Variants in ZNF875 observed in about 807,000 individuals in gnomAD.
The protein encoded by ZNF875 is HKR1, GLI-Kruppel zinc finger family member.
ZNF875 carries 14 observed loss-of-function variants against 11.2 expected under a neutral mutation model. The ratio of observed to expected loss-of-function variants is 1.26; its 90% CI spans 0.83 to 1.96. The LOEUF (loss-of-function observed/expected upper bound fraction) is 1.96, where lower values mean the gene tolerates loss of function less well. ZNF875 is among the 30% of genes most tolerant of loss of function. The probability of loss-of-function intolerance (pLI) is 0.00; values close to 1 mark genes in which losing one functional copy is unlikely to be tolerated. For missense variants in ZNF875, 752 were observed against 760.4 expected, an observed-to-expected ratio of 0.99 and a Z score of 0.13; for synonymous variants, 301 against 281.1, an observed-to-expected ratio of 1.07 and a Z score of -0.71.
chr19:37,313,596 A>T (rs1299790055), upstream of ZNF875, among the ~76,000 whole-genome samples: 1 of 151,966 alleles, frequency 6.6e-6, no homozygotes, highest in Non-Finnish European at 1.5e-5. Context: ...ACCTATCACT[A>T]ATCTACAGAC....
At chr19:37,344,721 A>G (rs756908992) in intron 2 of ZNF875, 28 of 1,613,450 alleles carry the variant, frequency 1.7e-5, no homozygotes, top group Non-Finnish European at 2.3e-5. Context: ...AATGCTCCCT[A>G]CATGCATGGT....
chr19:37,357,921 A>C (rs962635723), intron 4 of ZNF875: 11 of 398,218 alleles, frequency 2.8e-5, no homozygotes, highest in Non-Finnish European at 4.9e-5. Flanking sequence ...GTTGAATACG[A>C]GTGGTGAGAG....
chr19:37,338,645 T>C (rs960637735), intron 2 of ZNF875, among the ~76,000 whole-genome samples: 6 of 152,254 alleles, frequency 3.9e-5, no homozygotes, highest in African/African-American at 1.4e-4. Context: ...GCATGAGCAT[T>C]TAAATAGTTG....
At chr19:37,313,835 TTTTC>T (rs532024075), upstream of ZNF875, among the ~76,000 whole-genome samples, 25 of 152,248 alleles carry the variant, frequency 1.6e-4, no homozygotes, top group Non-Finnish European at 2.8e-4. Context: ...TGCCTTTTCA[TTTTC>T]TTTCTTTTTC....
upstream of ZNF875, among the ~76,000 whole-genome samples, chr19:37,331,160 C>T (rs1013819911): frequency 7.6e-6 from 1 of 131,424 alleles, no homozygotes; most frequent in African/African-American, 3.0e-5. Context: ...GCACTCCAGC[C>T]TGGGCGACAG....
At chr19:37,316,417 T>G (rs2030192652), upstream of ZNF875, among the ~76,000 whole-genome samples, 1 of 152,262 alleles carries the variant, frequency 6.6e-6, no homozygotes, top group Non-Finnish European at 1.5e-5. Flanking sequence ...TCGCCCAGGC[T>G]GGAGTGCAAT....
At chr19:37,362,037 AC>A in intron 4 of ZNF875, 71 bp from the exon 5 acceptor site, 1 of 834,614 alleles carries the variant, frequency 1.2e-6, no homozygotes, top group Non-Finnish European at 2.0e-6. Flanking sequence ...ATTATGAATG[AC>A]CAGTGGGCAA....
At chr19:37,331,869 T>A (rs2033452061), upstream of ZNF875, among the ~76,000 whole-genome samples, 1 of 130,624 alleles carries the variant, frequency 7.7e-6, no homozygotes, top group South Asian at 2.7e-4. Context: ...AAGGAATGCC[T>A]CTTGCAGTTG....
chr19:37,354,909 C>T (rs1426856440), intron 4 of ZNF875, among the ~76,000 whole-genome samples: 1 of 152,172 alleles, frequency 6.6e-6, no homozygotes, highest in African/African-American at 2.4e-5. Context: ...GGCTACCATC[C>T]AACCTCCAGA....
chr19:37,344,344 C>T (rs1479541415), intron 2 of ZNF875, among the ~76,000 whole-genome samples: 1 of 152,092 alleles, frequency 6.6e-6, no homozygotes, highest in East Asian at 1.9e-4. Context: ...GATTCAGTAG[C>T]CCTAGGATGG....
At chr19:37,327,453 T>A (rs1157695123) in intron 4 of ZNF875, among the ~76,000 whole-genome samples, 1 of 152,054 alleles carries the variant, frequency 6.6e-6, no homozygotes, top group Non-Finnish European at 1.5e-5. Flanking sequence ...ATTTTAGAGA[T>A]TTCATTAAAC....
Position 37,362,554 on chromosome 19 carries a change from C to CT in ZNF875, c.705dup (p.Ile236TyrfsTer8). The CT allele has an allele frequency of 6.2e-7, 1 of 1,614,194 alleles. No individual in the cohort carries two copies. The highest frequency in any genetic ancestry group is 1.3e-5 in the African/African-American group (1 of 75,054). ...TCAAATATGAAGAGTTTGGGCCAGG[C>CT]TTTATCAAGGAGTCAAACCTCCTTA... On this transcript the variant is annotated frameshift_variant, in exon 5 of 5. Coordinates refer to ENST00000392153, the MANE Select transcript of ZNF875 (RefSeq NM_001353803.2). LOFTEE classifies it low-confidence loss of function (END_TRUNC).
intron 4 of ZNF875, chr19:37,361,904 G>GA (rs2039984282): frequency 1.9e-6 from 1 of 533,948 alleles, no homozygotes; most frequent in Non-Finnish European, 3.2e-6. Context: ...GTGAAAGAAA[G>GA]ACTCCGTTTA....
chr19:37,317,957 C>G (rs2030371432), exon 1 of ZNF875: 1 of 155,512 alleles, frequency 6.4e-6, no homozygotes, highest in Non-Finnish European at 1.4e-5. Context: ...TGTGATTCCG[C>G]AGTCTTGGGC....
intron 4 of ZNF875, among the ~76,000 whole-genome samples, chr19:37,358,903 A>G (rs769547881): frequency 6.0e-5 from 9 of 149,670 alleles, no homozygotes; most frequent in South Asian, 4.2e-4. Context: ...TTCAATATAT[A>G]TATATTTTTT....
At chr19:37,340,684 T>A (rs1486200035) in intron 2 of ZNF875, among the ~76,000 whole-genome samples, 2 of 137,818 alleles carry the variant, frequency 1.5e-5, no homozygotes. Context: ...AGTCTGGCCC[T>A]GTCGCCCAGG....
chr19:37,315,889 C>A (rs2030156072), upstream of ZNF875, among the ~76,000 whole-genome samples: 1 of 152,028 alleles, frequency 6.6e-6, no homozygotes, highest in Admixed American at 6.6e-5. Context: ...GTTTCTGAAT[C>A]TTAAGACAGG....
chr19:37,316,534 T>C (rs2030203187), upstream of ZNF875, among the ~76,000 whole-genome samples: 2 of 150,830 alleles, frequency 1.3e-5, no homozygotes, highest in African/African-American at 4.9e-5. Flanking sequence ...CACGCCCGGC[T>C]AATTTTTGTT....
rs116484595 is a variant in ZNF875, at chr19:37,347,107, G to A, written c.34-83G>A. ...GCTGGGATTACAGGCATGAACCACCGGGCCTGGCCTTGACCTCTCATTCTA... is the reference window on the plus strand; with the variant it reads ...GCTGGGATTACAGGCATGAACCACCAGGCCTGGCCTTGACCTCTCATTCTA... On this transcript the variant is annotated intron_variant, in intron 2 of 4. Coordinates refer to ENST00000392153, the MANE Select transcript of ZNF875 (RefSeq NM_001353803.2). 1,886 of 1,592,646 alleles carry A rather than the reference G, an allele frequency of 1.2e-3. 18 individuals are homozygous for A. The African/African-American group carries it at 0.021, about 18-fold the overall frequency.
Sources: allele counts gnomAD v4.1 joint callset (sites outside exome capture counted in the v4.1 genomes callset), GRCh38; gene constraint gnomAD v4.1.1; transcripts MANE v1.5; gene names NCBI Gene and HGNC (gene_info 2026-07-23, HGNC 2026-07-21).